Variants in MCHR2 observed in about 807,000 individuals in gnomAD.
MCHR2 encodes the protein melanin-concentrating hormone receptor 2.
A neutral mutation model predicts 24.8 loss-of-function variants in MCHR2; 15 were observed. The observed-to-expected ratio is 0.60, with a 90% confidence interval of 0.40 to 0.93. The LOEUF is 0.93. MCHR2 is among the 40% of genes least tolerant of loss of function. MCHR2 has a pLI of 0.00. For synonymous variants in MCHR2, 151 were observed against 147.6 expected (o/e 1.02, Z -0.17); for missense variants, 386 against 408.7 (o/e 0.94, Z 0.48).
chr6:99,921,986 A>G (rs1774242880), intron 5 of MCHR2, among the ~76,000 whole-genome samples: 1 of 151,858 alleles, frequency 6.6e-6, no homozygotes, highest in African/African-American at 2.4e-5. Flanking sequence ...ATAGTACTCC[A>G]TTGTGTACAC....
chr6:99,953,603 C>T (rs777434959), intron 2 of MCHR2, among the ~76,000 whole-genome samples: 1 of 151,710 alleles, frequency 6.6e-6, no homozygotes, highest in African/African-American at 2.4e-5. Flanking sequence ...TTTTTAAAGT[C>T]TTTCTTGTAT....
intron 5 of MCHR2, among the ~76,000 whole-genome samples, chr6:99,921,875 T>C (rs575949397): frequency 6.6e-6 from 1 of 152,208 alleles, no homozygotes; most frequent in African/African-American, 2.4e-5. Flanking sequence ...GAACATGTGA[T>C]GTTTGTCTTT....
At chr6:99,961,873 T>G (rs1409078797) in intron 1 of MCHR2, among the ~76,000 whole-genome samples, 1 of 152,030 alleles carries the variant, frequency 6.6e-6, no homozygotes. Context: ...AAAAAGAATA[T>G]GAAAATCATG....
intron 5 of MCHR2, among the ~76,000 whole-genome samples, chr6:99,924,704 A>C (rs1462254395): frequency 6.6e-6 from 1 of 152,052 alleles, no homozygotes; most frequent in Non-Finnish European, 1.5e-5. Flanking sequence ...GTGTTTGTAT[A>C]GTTTCCAAAA....
chr6:99,942,814 G>T, intron 4 of MCHR2, 135 bp downstream of exon 4: 2 of 620,074 alleles, frequency 3.2e-6, no homozygotes. Context: ...TTGTATGTGT[G>T]GAGAAACCTA....
intron 1 of MCHR2, among the ~76,000 whole-genome samples, chr6:99,960,305 C>T (rs1775156749): frequency 6.6e-6 from 1 of 152,132 alleles, no homozygotes; most frequent in Admixed American, 6.5e-5. Flanking sequence ...AGGAGAACTA[C>T]AAACCACTGC....
At chr6:99,978,169 C>T (rs1030128953) in intron 1 of MCHR2, among the ~76,000 whole-genome samples, 7 of 152,280 alleles carry the variant, frequency 4.6e-5, no homozygotes, top group South Asian at 2.1e-4. Flanking sequence ...AGCATTTCAG[C>T]GGCTCCAGGG....
chr6:99,937,056 T>C (rs566330822), intron 4 of MCHR2, among the ~76,000 whole-genome samples: 2 of 152,146 alleles, frequency 1.3e-5, no homozygotes, highest in African/African-American at 4.8e-5. Flanking sequence ...TATACATTCA[T>C]TTTGTATCCT....
At chr6:99,957,011 A>C (rs1775076981) in intron 1 of MCHR2, among the ~76,000 whole-genome samples, 1 of 151,942 alleles carries the variant, frequency 6.6e-6, no homozygotes, top group Admixed American at 6.6e-5. Flanking sequence ...GCAACTTAAA[A>C]ATACTCAAGG....
intron 5 of MCHR2, among the ~76,000 whole-genome samples, chr6:99,929,905 C>T (rs1582371380): frequency 6.7e-6 from 1 of 149,910 alleles, no homozygotes; most frequent in South Asian, 2.2e-4. Context: ...TTATTTTGCT[C>T]GTTAGTTGAT....
chr6:99,939,211 T>C (rs2114515767), intron 4 of MCHR2, among the ~76,000 whole-genome samples: 1 of 152,232 alleles, frequency 6.6e-6, no homozygotes, highest in African/African-American at 2.4e-5. Context: ...GACTTACTAC[T>C]GCCATCTTGT....
chr6:99,988,415 G>A (rs955913227), intron 1 of MCHR2, among the ~76,000 whole-genome samples: 1 of 152,182 alleles, frequency 6.6e-6, no homozygotes, highest in Admixed American at 6.5e-5. Context: ...TCCCTTCTTT[G>A]TGGACATTTT....
chr6:99,921,334 G>A (rs1392388149), intron 5 of MCHR2, 79 bp from the exon 6 acceptor site: 3 of 1,330,856 alleles, frequency 2.3e-6, no homozygotes, highest in Non-Finnish European at 3.1e-6. Context: ...GAACCTTTTG[G>A]ACAGTTCATA....
chr6:99,980,443 A>G (rs1289739618), intron 1 of MCHR2, among the ~76,000 whole-genome samples: 1 of 152,190 alleles, frequency 6.6e-6, no homozygotes, highest in African/African-American at 2.4e-5. Flanking sequence ...GGAGGTCAAG[A>G]TAATTCTATA....
chr6:99,970,129 C>T (rs1189657702), intron 1 of MCHR2, among the ~76,000 whole-genome samples: 7 of 151,104 alleles, frequency 4.6e-5, no homozygotes, highest in Non-Finnish European at 1.0e-4. Flanking sequence ...CCTGAGGAAT[C>T]GCCACACTGA....
intron 5 of MCHR2, among the ~76,000 whole-genome samples, chr6:99,925,029 C>T (rs752856853): frequency 6.6e-6 from 1 of 151,946 alleles, no homozygotes; most frequent in Admixed American, 6.6e-5. Context: ...TATATTGGGG[C>T]CTATCTCTCT....
chr6:99,928,251 G>A (rs1242386693), intron 5 of MCHR2, among the ~76,000 whole-genome samples: 1 of 152,156 alleles, frequency 6.6e-6, no homozygotes, highest in African/African-American at 2.4e-5. Context: ...GTATTTTATT[G>A]AGGATTTTTG....
chr6:99,940,297 T>G (rs1268323009), intron 4 of MCHR2, among the ~76,000 whole-genome samples: 1 of 152,130 alleles, frequency 6.6e-6, no homozygotes, highest in African/African-American at 2.4e-5. Context: ...TTTTTCTGAC[T>G]GTGTATTTTC....
intron 1 of MCHR2, among the ~76,000 whole-genome samples, chr6:99,985,140 A>G (rs527283339): frequency 6.6e-6 from 1 of 152,288 alleles, no homozygotes; most frequent in East Asian, 1.9e-4. Flanking sequence ...AGATCTCTAC[A>G]AAAAGAACTG....
Sources: gnomAD v4.1 joint callset for allele counts (sites outside exome capture counted in the v4.1 genomes callset) on GRCh38, gnomAD v4.1.1 for gene constraint, MANE v1.5 for transcripts, NCBI Gene and HGNC (gene_info 2026-07-23, HGNC 2026-07-21) for gene names.